GRIP1: variants seen among roughly 807,000 people sequenced by gnomAD.
GRIP1 encodes the protein glutamate receptor interacting protein 1.
A neutral mutation model predicts 129.9 loss-of-function variants in GRIP1; 45 were observed. The ratio of observed to expected loss-of-function variants is 0.35; its 90% CI spans 0.27 to 0.44. The LOEUF is 0.44. GRIP1 is among the 20% of genes least tolerant of loss of function. The pLI is 1.00. For synonymous variants in GRIP1, 530 were observed against 520.8 expected (o/e 1.02, Z -0.24); for missense variants, 1,196 against 1,396.8 (o/e 0.86, Z 2.29).
intron 1 of GRIP1, among the ~76,000 whole-genome samples, chr12:66,720,390 G>C (rs2036022524): frequency 6.6e-6 from 1 of 152,050 alleles, no homozygotes; most frequent in South Asian, 2.1e-4. Flanking sequence ...AATTAGGGTG[G>C]TGACTGCTGA....
intron 1 of GRIP1, among the ~76,000 whole-genome samples, chr12:66,955,343 G>A (rs966932290): frequency 1.3e-5 from 2 of 152,148 alleles, no homozygotes; most frequent in African/African-American, 4.8e-5. Context: ...ATTTAAAAGA[G>A]ATAATCTCTG....
At chr12:66,514,578 A>G (rs904936658) in intron 7 of GRIP1, among the ~76,000 whole-genome samples, 4 of 152,080 alleles carry the variant, frequency 2.6e-5, no homozygotes, top group Non-Finnish European at 5.9e-5. Context: ...AGGAGAGAGG[A>G]AAAAAGCAAG....
chr12:66,507,662 A>T (rs540726234), intron 7 of GRIP1, among the ~76,000 whole-genome samples: 1 of 152,286 alleles, frequency 6.6e-6, no homozygotes, highest in East Asian at 1.9e-4. Flanking sequence ...ATTATTTAAA[A>T]ATTGCTATTT....
intron 1 of GRIP1, among the ~76,000 whole-genome samples, chr12:66,692,028 T>C (rs1333461222): frequency 6.6e-6 from 1 of 152,250 alleles, no homozygotes; most frequent in Non-Finnish European, 1.5e-5. Flanking sequence ...TATAATTCAC[T>C]GCATTTGACA....
intron 1 of GRIP1, among the ~76,000 whole-genome samples, chr12:66,738,991 C>T (rs2036702259): frequency 1.3e-5 from 2 of 152,242 alleles, no homozygotes; most frequent in Admixed American, 1.3e-4. Flanking sequence ...TGATCCTTGA[C>T]TTGGAGAGCC....
intron 1 of GRIP1, among the ~76,000 whole-genome samples, chr12:66,750,378 T>G (rs1355079475): frequency 6.6e-6 from 1 of 152,176 alleles, no homozygotes; most frequent in Non-Finnish European, 1.5e-5. Context: ...CTCTTTTGTG[T>G]GTCCCCTTTT....
chr12:66,948,595 GCTA>G (rs1271510087), intron 1 of GRIP1, among the ~76,000 whole-genome samples: 1 of 152,168 alleles, frequency 6.6e-6, no homozygotes, highest in Non-Finnish European at 1.5e-5. Context: ...GGCAAGATAA[GCTA>G]CTGTAAAGCA....
At chr12:66,478,043 T>A (rs886146572) in intron 7 of GRIP1, among the ~76,000 whole-genome samples, 1 of 152,164 alleles carries the variant, frequency 6.6e-6, no homozygotes, top group Non-Finnish European at 1.5e-5. Flanking sequence ...CTAATTTAAC[T>A]AAAGAGCTTC....
rs576011208 is a variant in GRIP1 at position 66,923,075 on chromosome 12, C to T, written c.58+145975G>A. On this transcript the variant is annotated intron_variant, in intron 1 of 1. Coordinates refer to the GRIP1 transcript ENST00000643019. ...TACCTACCTCAACATTTATTTTCTA[C>T]GAGAGAAAGATGCACCTCTATCTTA... is the stretch of plus-strand genomic sequence containing the variant. Among the ~76,000 whole-genome samples, 277 of 152,220 alleles carry T rather than the reference C, an allele frequency of 1.8e-3. 2 individuals carry two copies. The highest frequency in any genetic ancestry group is 6.4e-3 in the African/African-American group (266 of 41,534).
rs1422839752 is a variant in GRIP1 at position 66,723,238 on chromosome 12, C to T, written c.-420+80815G>A. Among the ~76,000 whole-genome samples the T allele has an allele frequency of 3.4e-3, 43 of 12,774 alleles. 7 individuals carry two copies. Among genetic ancestry groups the T allele is most frequent in the African/African-American group, 9.2e-3 (28 of 3,030 alleles). The allele number at this position is 12,774 out of a possible 152,430, so 8.4% of individuals were successfully genotyped here. A position where few individuals can be genotyped will look rare whatever the true frequency, so the allele number is the denominator to read the frequency against. ...TCTTTCTTTCTTTCTCTCTCTCTCT[C>T]TCTTCCTTCCTTCCTTCCTTCCTTC... On this transcript the variant is annotated intron_variant, in intron 1 of 4. Transcript: ENST00000538373.
chr12:66,975,364 A>T (rs1218697932), intron 1 of GRIP1, among the ~76,000 whole-genome samples: 3 of 152,204 alleles, frequency 2.0e-5, no homozygotes, highest in Non-Finnish European at 4.4e-5. Flanking sequence ...GGCTAGACTA[A>T]ACGAAGGCTC....
At chr12:66,876,815 A>G (rs1198218092) in intron 1 of GRIP1, among the ~76,000 whole-genome samples, 2 of 152,074 alleles carry the variant, frequency 1.3e-5, no homozygotes, top group Non-Finnish European at 2.9e-5. Context: ...GGTGGAAATG[A>G]GTGGAACAAT....
At chr12:66,438,116 C>G (rs751409056) in intron 13 of GRIP1, among the ~76,000 whole-genome samples, 6 of 152,198 alleles carry the variant, frequency 3.9e-5, no homozygotes, top group Non-Finnish European at 7.3e-5. Context: ...TGCTGGACAG[C>G]CTTCTTTGAA....
At chr12:66,387,666 C>A (rs1462621374) in intron 19 of GRIP1, among the ~76,000 whole-genome samples, 1 of 152,102 alleles carries the variant, frequency 6.6e-6, no homozygotes, top group Non-Finnish European at 1.5e-5. Flanking sequence ...TTAAAAAATA[C>A]ACAGCAAAGC....
At chr12:67,018,083 G>A (rs1457898580) in intron 1 of GRIP1, among the ~76,000 whole-genome samples, 1 of 152,074 alleles carries the variant, frequency 6.6e-6, no homozygotes, top group South Asian at 2.1e-4. Flanking sequence ...GTCCTCTGTC[G>A]TCCTGGTCTC....
At chr12:66,919,213 G>C (rs1592344507) in intron 1 of GRIP1, among the ~76,000 whole-genome samples, 1 of 152,174 alleles carries the variant, frequency 6.6e-6, no homozygotes, top group Admixed American at 6.5e-5. Context: ...TTTGACCCAA[G>C]AACTAGGAAC....
At chr12:66,697,075 C>T (rs971460224) in intron 1 of GRIP1, among the ~76,000 whole-genome samples, 1 of 152,072 alleles carries the variant, frequency 6.6e-6, no homozygotes, top group African/African-American at 2.4e-5. Context: ...TGACATATAG[C>T]AGGTGCTTTA....
At chr12:66,587,317 A>C (rs532792561) in intron 2 of GRIP1, among the ~76,000 whole-genome samples, 1 of 152,346 alleles carries the variant, frequency 6.6e-6, no homozygotes, top group Non-Finnish European at 1.5e-5. Flanking sequence ...TCACCAGCTC[A>C]TGGAGGCCAA....
intron 1 of GRIP1, among the ~76,000 whole-genome samples, chr12:66,982,998 C>G (rs369734740): frequency 5.9e-5 from 9 of 152,154 alleles, no homozygotes; most frequent in African/African-American, 2.2e-4. Flanking sequence ...GGAACAAAAT[C>G]AGCTTTCATT....
Sources: gnomAD v4.1 joint callset for allele counts (sites outside exome capture counted in the v4.1 genomes callset) on GRCh38, gnomAD v4.1.1 for gene constraint, MANE v1.5 for transcripts, NCBI Gene and HGNC (gene_info 2026-07-23, HGNC 2026-07-21) for gene names.